Variants in SLC2A9 observed in about 807,000 individuals in gnomAD.
SLC2A9 encodes the protein solute carrier family 2 member 9.
A neutral mutation model predicts 50.6 loss-of-function variants in SLC2A9; 39 were observed. That is an observed-to-expected ratio of 0.77 (90% CI 0.60 to 1.01). The LOEUF (loss-of-function observed/expected upper bound fraction) is 1.01, where lower values mean the gene tolerates loss of function less well. Ranked by LOEUF, SLC2A9 falls within the 50% of genes least tolerant of loss-of-function variation. The pLI is 0.00. For missense variants in SLC2A9, 686 were observed against 677.6 expected (o/e 1.01, Z -0.14); for synonymous variants, 324 against 276.9 (o/e 1.17, Z -1.69).
chr4:9,883,095 T>C (rs528525936), intron 10 of SLC2A9, among the ~76,000 whole-genome samples: 1 of 152,130 alleles, frequency 6.6e-6, no homozygotes, highest in South Asian at 2.1e-4. Context: ...TGGACAACTA[T>C]GCATCCTAAT....
intron 3 of SLC2A9, among the ~76,000 whole-genome samples, chr4:9,799,924 T>C (rs1721160632): frequency 6.6e-6 from 1 of 152,048 alleles, no homozygotes; most frequent in African/African-American, 2.4e-5. Context: ...GGTAAAGCTG[T>C]TGTAGGAATA....
intron 6 of SLC2A9, among the ~76,000 whole-genome samples, chr4:9,925,605 T>C (rs1744750614): frequency 6.6e-6 from 1 of 152,216 alleles, no homozygotes; most frequent in African/African-American, 2.4e-5. Flanking sequence ...TTTTGGGGAA[T>C]AAAATCAATG....
chr4:9,800,884 G>T lies in SLC2A9; in HGVS notation n.421-1643C>A, dbSNP rs545893111. On this transcript the variant is annotated intron_variant and non_coding_transcript_variant, in intron 3 of 3. Coordinates refer to the SLC2A9 transcript ENST00000503280. ...TATCCTTGGGGTCCTGAAACCAATA[G>T]CCATGGATACCGAGGGACAACTGTA... 1.1e-4 allele frequency among the ~76,000 whole-genome samples: 16 copies of T among 152,168 alleles called. No homozygotes were observed. In the East Asian group the frequency reaches 3.1e-3, roughly 29 times the overall value.
At chr4:9,934,885 C>T (rs889325013) in intron 6 of SLC2A9, among the ~76,000 whole-genome samples, 8 of 152,218 alleles carry the variant, frequency 5.3e-5, no homozygotes, top group Non-Finnish European at 1.2e-4. Context: ...TCAGCTCCCA[C>T]TTATGAGTGA....
At chr4:9,806,919 G>C (rs966275056) in intron 3 of SLC2A9, among the ~76,000 whole-genome samples, 6 of 152,184 alleles carry the variant, frequency 3.9e-5, no homozygotes, top group Non-Finnish European at 1.5e-5. Context: ...TGGCTTTTAA[G>C]ACTCTTGAAG....
chr4:10,034,379 G>A (rs1490636800), intron 1 of SLC2A9: 2 of 152,304 alleles, frequency 1.3e-5, no homozygotes, highest in Non-Finnish European at 2.9e-5. Flanking sequence ...CAGTTTCGAG[G>A]TCCCCTGGGG....
chr4:10,018,558 A>AGAT (rs34401893), intron 2 of SLC2A9, among the ~76,000 whole-genome samples: 13,373 of 145,932 alleles, frequency 0.092, 677 homozygotes, highest in East Asian at 0.4. Context: ...ATAGATAGAT[A>AGAT]GATAGATAGA....
rs576011729 is a variant in SLC2A9 at position 9,982,533 on chromosome 4, A to G, written c.536-1796T>C. 2.0e-5 allele frequency among the ~76,000 whole-genome samples: 3 copies of G among 152,388 alleles called. No homozygotes were observed. The South Asian group carries it at 6.2e-4, about 32-fold the overall frequency. Reference sequence around the variant, plus strand: ...CTTATTTTTAGTTAAGGAAATTCAGAGATCAATTAGTTATATGTTCGAAGG... The same window carrying G: ...CTTATTTTTAGTTAAGGAAATTCAGGGATCAATTAGTTATATGTTCGAAGG... On this transcript the variant is annotated intron_variant, in intron 4 of 11. Coordinates refer to ENST00000264784, the MANE Select transcript of SLC2A9 (RefSeq NM_020041.3).
intron 2 of SLC2A9, among the ~76,000 whole-genome samples, chr4:10,004,877 A>G (rs962286218): frequency 6.6e-6 from 1 of 152,268 alleles, no homozygotes; most frequent in African/African-American, 2.4e-5. Context: ...AACAATCTGC[A>G]ATAAAAATTT....
At chr4:10,029,872 G>A (rs1327743849) in intron 1 of SLC2A9, among the ~76,000 whole-genome samples, 1 of 152,050 alleles carries the variant, frequency 6.6e-6, no homozygotes, top group African/African-American at 2.4e-5. Context: ...CTGACCTCAG[G>A]TGATCTACCT....
At chr4:9,779,417 T>A (rs1718020835), downstream of SLC2A9, among the ~76,000 whole-genome samples, 1 of 132,708 alleles carries the variant, frequency 7.5e-6, no homozygotes. Context: ...GACTTTAAAC[T>A]TTTTTTTTTT....
At chr4:10,028,008 G>C (rs533857820) in intron 1 of SLC2A9, among the ~76,000 whole-genome samples, 1 of 152,270 alleles carries the variant, frequency 6.6e-6, no homozygotes, top group Admixed American at 6.5e-5. Context: ...TCCAGAGCCT[G>C]GATCTGCAGC....
In SLC2A9 at chr4:9,841,137, T is replaced by C. The variant is rs577996530; in HGVS notation, c.1292-6129A>G. On this transcript the variant is annotated intron_variant, in intron 10 of 11. Transcript: ENST00000264784. ...GTGTTGATTTTCCTATAGCAACTTT[T>C]TGTAGAACATAGCATATCCCTTTGA... is the stretch of plus-strand genomic sequence containing the variant. 9.8e-5 allele frequency among the ~76,000 whole-genome samples: 15 copies of C among 152,334 alleles called. No homozygotes were observed. The South Asian group carries it at 3.1e-3, about 32-fold the overall frequency.
chr4:9,827,775 C>G (rs746900495), intron 11 of SLC2A9, among the ~76,000 whole-genome samples: 1 of 152,136 alleles, frequency 6.6e-6, no homozygotes, highest in Admixed American at 6.5e-5. Context: ...GCCTTCTGCT[C>G]GTACAAAGAC....
intron 6 of SLC2A9, among the ~76,000 whole-genome samples, chr4:9,931,924 C>T (rs1297659615): frequency 7.9e-5 from 2 of 25,474 alleles, no homozygotes; most frequent in East Asian, 2.3e-3. Context: ...CTCTCTCTCT[C>T]TCTCTCTCTC....
At chr4:9,917,843 G>T (rs1743165709) in intron 7 of SLC2A9, among the ~76,000 whole-genome samples, 1 of 152,130 alleles carries the variant, frequency 6.6e-6, no homozygotes, top group South Asian at 2.1e-4. Context: ...AAGAGGCCAG[G>T]GAGGCTGCTG....
chr4:10,022,405 C>T (rs1054901328), upstream of SLC2A9, among the ~76,000 whole-genome samples: 4 of 152,276 alleles, frequency 2.6e-5, no homozygotes, highest in African/African-American at 7.2e-5. Context: ...TCATTCAGCA[C>T]TGGCTGAGGG....
At chr4:9,810,219 A>C (rs1722699916) in intron 3 of SLC2A9, among the ~76,000 whole-genome samples, 1 of 151,272 alleles carries the variant, frequency 6.6e-6, no homozygotes, top group Admixed American at 6.6e-5. Flanking sequence ...AACATTACCG[A>C]GTGCACAGTA....
chr4:9,786,868 A>G (rs965511377), intron 3 of SLC2A9, among the ~76,000 whole-genome samples: 10 of 152,186 alleles, frequency 6.6e-5, no homozygotes, highest in African/African-American at 1.4e-4. Flanking sequence ...TGCTCCTGCC[A>G]TCTTGCGGGT....
Sources: allele counts gnomAD v4.1 joint callset (sites outside exome capture counted in the v4.1 genomes callset), GRCh38; gene constraint gnomAD v4.1.1; transcripts MANE v1.5; gene names NCBI Gene and HGNC (gene_info 2026-07-23, HGNC 2026-07-21).